ZFAND6: variants seen among roughly 807,000 people sequenced by gnomAD.
ZFAND6 encodes the protein AN1-type zinc finger protein 6.
Under a neutral mutation model 24.5 loss-of-function variants are expected in ZFAND6, and 12 were observed. The ratio of observed to expected loss-of-function variants is 0.49; its 90% CI spans 0.31 to 0.79. The LOEUF (loss-of-function observed/expected upper bound fraction) is 0.79. ZFAND6 is among the 30% of genes least tolerant of loss of function. The pLI is 0.04. For synonymous variants in ZFAND6, 92 were observed against 81.5 expected (o/e 1.13, Z -0.69); for missense variants, 207 against 245.9 (o/e 0.84, Z 1.06).
At chr15:80,092,435 C>CA (rs2038439642) in intron 1 of ZFAND6, among the ~76,000 whole-genome samples, 1 of 151,402 alleles carries the variant, frequency 6.6e-6, no homozygotes, top group African/African-American at 2.4e-5. Flanking sequence ...GACTCTGTCT[C>CA]AAAAAACAAA....
intron 1 of ZFAND6, among the ~76,000 whole-genome samples, chr15:80,088,660 C>A (rs765051433): frequency 4.2e-4 from 64 of 152,220 alleles, no homozygotes; most frequent in Admixed American, 1.2e-3. Context: ...CCTGCCCCTT[C>A]TTTTCCTTAA....
upstream of ZFAND6, among the ~76,000 whole-genome samples, chr15:80,059,364 A>G (rs12595078): frequency 2.0e-4 from 30 of 152,334 alleles, no homozygotes; most frequent in East Asian, 4.1e-3. Context: ...GCCTTCCCGT[A>G]GCTATTGGAG....
intron 1 of ZFAND6, among the ~76,000 whole-genome samples, chr15:80,086,939 T>C (rs967305350): frequency 2.6e-5 from 4 of 152,246 alleles, no homozygotes; most frequent in Non-Finnish European, 5.9e-5. Context: ...GTGTGGCTTA[T>C]TTAATTTAGC....
intron 5 of ZFAND6, among the ~76,000 whole-genome samples, chr15:80,123,301 A>T (rs2040228594): frequency 6.6e-6 from 1 of 152,128 alleles, no homozygotes; most frequent in South Asian, 2.1e-4. Flanking sequence ...TGCTCTTCAT[A>T]TCCCCATTAT....
intron 2 of ZFAND6, among the ~76,000 whole-genome samples, chr15:80,106,558 A>C (rs747928281): frequency 1.4e-4 from 21 of 151,820 alleles, no homozygotes; most frequent in Non-Finnish European, 2.5e-4. Context: ...TGAAAAAACC[A>C]AATAATTTTT....
rs2040926595 is a variant in ZFAND6 at position 80,137,729 on chromosome 15, C to G, written c.*101C>G. ...TGGGAATGTAGAGCAGTGTATCTTG[C>G]ATGTCATCGGAAGAATAGATTTTTG... is the stretch of plus-strand genomic sequence containing the variant. On this transcript the variant is annotated 3_prime_UTR_variant, in exon 7 of 7. Coordinates refer to ENST00000261749, the MANE Select transcript of ZFAND6 (RefSeq NM_019006.4). 8.2e-7 allele frequency: 1 copy of G among 1,215,548 alleles called. No individual in the cohort carries two copies. Among genetic ancestry groups the G allele is most frequent in the Non-Finnish European group, 1.1e-6 (1 of 914,916 alleles). 75.3% of individuals were successfully genotyped at this position (1,215,548 alleles called of 1,614,324 possible). A position where few individuals can be genotyped will look rare whatever the true frequency, so the allele number is the denominator to read the frequency against.
chr15:80,074,737 G>T (rs2037169912), intron 1 of ZFAND6, among the ~76,000 whole-genome samples: 1 of 151,932 alleles, frequency 6.6e-6, no homozygotes, highest in South Asian at 2.1e-4. Flanking sequence ...GTCTTTAAGA[G>T]CATGCTTTGT....
chr15:80,094,283 C>T (rs1247490339), intron 1 of ZFAND6, among the ~76,000 whole-genome samples: 2 of 152,166 alleles, frequency 1.3e-5, no homozygotes, highest in Non-Finnish European at 2.9e-5. Flanking sequence ...CAGGGGAGCG[C>T]GTGGGAGCTG....
chr15:80,108,245 A>G (rs2039436710), intron 2 of ZFAND6, among the ~76,000 whole-genome samples: 1 of 152,214 alleles, frequency 6.6e-6, no homozygotes, highest in South Asian at 2.1e-4. Context: ...AAACTTTAAA[A>G]TTAGGGAAGG....
intron 1 of ZFAND6, among the ~76,000 whole-genome samples, chr15:80,083,597 G>A (rs1291698974): frequency 6.6e-6 from 1 of 152,206 alleles, no homozygotes. Context: ...AGAAAAGCGT[G>A]TTCATGGAGA....
intron 1 of ZFAND6, chr15:80,075,421 G>A (rs1473624249): frequency 1.1e-5 from 2 of 174,160 alleles, no homozygotes; most frequent in African/African-American, 4.8e-5. Context: ...CTGTAATTCT[G>A]CAGTACTACT....
intron 2 of ZFAND6, among the ~76,000 whole-genome samples, chr15:80,105,110 A>G (rs1042883416): frequency 1.3e-5 from 2 of 152,194 alleles, no homozygotes; most frequent in African/African-American, 4.8e-5. Context: ...CCTGTAGTCT[A>G]GGCACACAGA....
chr15:80,080,637 G>T (rs956371839), intron 1 of ZFAND6, among the ~76,000 whole-genome samples: 6 of 152,198 alleles, frequency 3.9e-5, no homozygotes, highest in Non-Finnish European at 8.8e-5. Flanking sequence ...GGTCATTCTT[G>T]CATTACTATA....
At chr15:80,099,941 T>G (rs2038947580) in intron 2 of ZFAND6, among the ~76,000 whole-genome samples, 1 of 152,184 alleles carries the variant, frequency 6.6e-6, no homozygotes, top group Non-Finnish European at 1.5e-5. Flanking sequence ...ATAATGAAAG[T>G]GGTCAAAGGA....
chr15:80,062,878 G>C (rs1005445674), intron 1 of ZFAND6, among the ~76,000 whole-genome samples: 1 of 152,076 alleles, frequency 6.6e-6, no homozygotes, highest in African/African-American at 2.4e-5. Flanking sequence ...ACTATTAAGA[G>C]TCCATTCTAA....
intron 1 of ZFAND6, among the ~76,000 whole-genome samples, chr15:80,062,279 C>T (rs1302208774): frequency 6.6e-6 from 1 of 152,206 alleles, no homozygotes; most frequent in Non-Finnish European, 1.5e-5. Context: ...ATGTCACACC[C>T]TTTAAGGGAA....
intron 1 of ZFAND6, chr15:80,060,638 A>G: frequency 6.6e-6 from 1 of 152,198 alleles, no homozygotes; most frequent in Non-Finnish European, 1.5e-5. Context: ...ACTGGGCAGA[A>G]TTGGCCACGC....
At chr15:80,127,569 A>G (rs2040418628) in intron 5 of ZFAND6, among the ~76,000 whole-genome samples, 1 of 140,196 alleles carries the variant, frequency 7.1e-6, no homozygotes, top group South Asian at 2.4e-4. Context: ...CAGCCTGGGC[A>G]AAAGGGCAAA....
chr15:80,120,178 C>T (rs981365824), intron 2 of ZFAND6, 150 bp from the exon 3 acceptor site: 1 of 572,356 alleles, frequency 1.7e-6, no homozygotes, highest in Non-Finnish European at 2.6e-6. Context: ...TTATATTTTT[C>T]TCTCCTTTTT....
Sources: allele counts gnomAD v4.1 joint callset (sites outside exome capture counted in the v4.1 genomes callset), GRCh38; gene constraint gnomAD v4.1.1; transcripts MANE v1.5; gene names NCBI Gene and HGNC (gene_info 2026-07-23, HGNC 2026-07-21).